TEK: variants seen among roughly 807,000 people sequenced by gnomAD.
The protein encoded by TEK is TEK receptor tyrosine kinase, also known as angiopoietin-1 receptor.
TEK carries 43 observed loss-of-function variants against 131.8 expected under a neutral mutation model. That is an observed-to-expected ratio of 0.33 (90% confidence interval 0.26 to 0.42). The LOEUF (loss-of-function observed/expected upper bound fraction) is 0.42, where lower values mean the gene tolerates loss of function less well. Ranked by LOEUF, TEK falls within the 10% of genes least tolerant of loss-of-function variation. TEK has a pLI of 1.00. For synonymous variants in TEK, 580 were observed against 491.6 expected (o/e 1.18, Z -2.38); for missense variants, 1,162 against 1,384.4 (o/e 0.84, Z 2.55).
At chr9:27,175,248 T>A (rs1210299744) in intron 6 of TEK, among the ~76,000 whole-genome samples, 40 of 150,992 alleles carry the variant, frequency 2.6e-4, no homozygotes, top group African/African-American at 9.5e-4. Flanking sequence ...TTTGGTTTTT[T>A]GTCCTTGTGA....
intron 1 of TEK, among the ~76,000 whole-genome samples, chr9:27,112,118 C>T (rs57314689): frequency 0.099 from 15,115 of 152,104 alleles, 1,403 homozygotes; most frequent in East Asian, 0.5. Context: ...AGGCTGGTCT[C>T]GAACTCCTGA....
At chr9:27,179,209 C>A (rs1418044057) in intron 6 of TEK, among the ~76,000 whole-genome samples, 1 of 152,096 alleles carries the variant, frequency 6.6e-6, no homozygotes. Flanking sequence ...TTGACTCTTT[C>A]TTTTGTTATC....
intron 17 of TEK, 151 bp from the exon 18 acceptor site, chr9:27,213,333 C>A (rs1825702301): frequency 1.6e-6 from 1 of 622,244 alleles, no homozygotes. Context: ...GAATCCATTA[C>A]CAGGGAATTT....
At chr9:27,143,165 G>A (rs554035322) in intron 1 of TEK, among the ~76,000 whole-genome samples, 2 of 152,338 alleles carry the variant, frequency 1.3e-5, no homozygotes, top group South Asian at 4.1e-4. Flanking sequence ...TGCTTGAAAT[G>A]AGCGTAGGTA....
chr9:27,178,040 G>A (rs547721822), intron 6 of TEK, among the ~76,000 whole-genome samples: 50 of 152,066 alleles, frequency 3.3e-4, no homozygotes, highest in African/African-American at 1.1e-3. Context: ...ATCATTGCCC[G>A]GATCAGTATC....
chr9:27,168,276 C>T (rs1823814361), intron 2 of TEK, among the ~76,000 whole-genome samples: 1 of 152,178 alleles, frequency 6.6e-6, no homozygotes, highest in South Asian at 2.1e-4. Context: ...TATATTTACA[C>T]TCTTATAAAG....
chr9:27,222,557 A>G (rs945889327), intron 21 of TEK, among the ~76,000 whole-genome samples: 3 of 152,216 alleles, frequency 2.0e-5, no homozygotes, highest in Non-Finnish European at 2.9e-5. Context: ...GGGGGCCAGT[A>G]TTCAACATTC....
At position 27,209,241 on chromosome 9, in the gene TEK, T is replaced by C; in HGVS notation, c.2686+10T>C. 6.4e-7 allele frequency: 1 copy of C among 1,559,052 alleles called. No individual in the cohort carries two copies. Among genetic ancestry groups the C allele is most frequent in the Non-Finnish European group, 8.8e-7 (1 of 1,130,018 alleles). Reference sequence around the variant, plus strand: ...GCATGTGAACATCGAGGTAAGATGCTCTTTTCCTGTCTTTCCTGCCAGAGT... The same window carrying C: ...GCATGTGAACATCGAGGTAAGATGCCCTTTTCCTGTCTTTCCTGCCAGAGT... On this transcript the variant is annotated intron_variant, in intron 16 of 22. Transcript: ENST00000380036.
chr9:27,163,641 TG>T (rs1823622848), intron 2 of TEK, among the ~76,000 whole-genome samples: 1 of 152,164 alleles, frequency 6.6e-6, no homozygotes. Flanking sequence ...GTGGAGGTCT[TG>T]AGTTTGTGTC....
chr9:27,190,591 A>G lies in TEK; in HGVS notation c.1390A>G (p.Asn464Asp), dbSNP rs746069957. The part of the protein sequence containing the change: ...IDTGHNFAVI[N>D]ISSEPYFGDG... ...CACTGGACATAACTTTGCTGTCATC[A>G]ACATCAGCTCTGAGCCTTACTTTGG... Residue 464 changes from asparagine to aspartate, a missense_variant, in exon 10 of 23, where the codon AAC becomes GAC. This residue lies in a region of TEK where 477 missense variants were observed against 471.0 expected (regional missense o/e 1.01). Coordinates refer to ENST00000380036, the MANE Select transcript of TEK (RefSeq NM_000459.5). The G allele has an allele frequency of 3.1e-6, 5 of 1,613,942 alleles. No individual in the cohort carries two copies. Among genetic ancestry groups the G allele is most frequent in the Non-Finnish European group, 4.2e-6 (5 of 1,179,938 alleles).
At chr9:27,205,306 C>T (rs954560861) in intron 14 of TEK, among the ~76,000 whole-genome samples, 1 of 152,184 alleles carries the variant, frequency 6.6e-6, no homozygotes, top group South Asian at 2.1e-4. Context: ...ATGCAGGAAA[C>T]TAGGTCTGCC....
rs373165107 is a variant in TEK at position 27,212,916 on chromosome 9, G to C, written c.2877+19G>C. The C allele has an allele frequency of 5.6e-6, 9 of 1,611,754 alleles. No individual in the cohort carries two copies. Among genetic ancestry groups the C allele is most frequent in the Non-Finnish European group, 7.6e-6 (9 of 1,179,636 alleles). On this transcript the variant is annotated intron_variant, in intron 17 of 22. Transcript: ENST00000380036. ...AAAACAGGTTTGTCCGGAGGACTTCGCTTTGGATATCTTTCCTGTGGAGTT... is the reference window on the plus strand; with the variant it reads ...AAAACAGGTTTGTCCGGAGGACTTCCCTTTGGATATCTTTCCTGTGGAGTT...
chr9:27,157,985 G>A lies in TEK; in HGVS notation c.207G>A (p.Gln69=). ...TTGAAGCCTTAATGAACCAGCACCA[G>A]GATCCGCTGGAAGTTACTCAAGATG... The part of the protein sequence containing the change: ...RDFEALMNQH[Q]DPLEVTQDVT... The change falls in exon 2 of 23, where the codon CAG becomes CAA. Residue 69 remains glutamine (Q), a synonymous_variant. Coordinates refer to ENST00000380036, the MANE Select transcript of TEK (RefSeq NM_000459.5). The A allele has an allele frequency of 6.2e-7, 1 of 1,614,022 alleles. No individual in the cohort carries two copies. Among genetic ancestry groups the A allele is most frequent in the Non-Finnish European group, 8.5e-7 (1 of 1,180,008 alleles).
intron 21 of TEK, among the ~76,000 whole-genome samples, chr9:27,223,846 A>C (rs1826190423): frequency 2.0e-5 from 3 of 152,150 alleles, no homozygotes; most frequent in African/African-American, 7.2e-5. Flanking sequence ...TTTTTTGAAA[A>C]GATAACAAAA....
At chr9:27,225,259 C>T (rs1003882158) in intron 21 of TEK, among the ~76,000 whole-genome samples, 8 of 152,052 alleles carry the variant, frequency 5.3e-5, no homozygotes, top group Non-Finnish European at 7.4e-5. Flanking sequence ...CATATGGAAC[C>T]AAAAAAGAGC....
At position 27,113,631 on chromosome 9, in the gene TEK, C is replaced by T. The variant is rs1188884268; in HGVS notation, c.52+3989C>T. 6.6e-5 allele frequency among the ~76,000 whole-genome samples: 10 copies of T among 152,160 alleles called. No individual in the cohort carries two copies. In the East Asian group the frequency reaches 1.5e-3, roughly 24 times the overall value. ...AAATAAATAATGAAGCTAGTATAATCAAAAGAGAAGTGTTGCTATGAGAAC... is the reference window on the plus strand; with the variant it reads ...AAATAAATAATGAAGCTAGTATAATTAAAAGAGAAGTGTTGCTATGAGAAC... On this transcript the variant is annotated intron_variant, in intron 1 of 22. Coordinates refer to ENST00000380036, the MANE Select transcript of TEK (RefSeq NM_000459.5).
chr9:27,180,671 T>C (rs557540326), intron 7 of TEK, among the ~76,000 whole-genome samples: 1 of 152,264 alleles, frequency 6.6e-6, no homozygotes, highest in South Asian at 2.1e-4. Flanking sequence ...AGGACCAACC[T>C]TTTCCCTGGA....
rs376225163 is a variant in TEK at position 27,206,763 on chromosome 9, G to A, written c.2546G>A (p.Arg849Gln). 6.6e-5 allele frequency: 107 copies of A among 1,613,920 alleles called. No homozygotes were observed. The highest frequency in any genetic ancestry group is 8.5e-5 in the Non-Finnish European group (100 of 1,179,966). The change falls in exon 15 of 23, where the codon CGG (arginine) becomes CAG (glutamine). Residue 849 changes from arginine (R) to glutamine (Q), a missense_variant. Arg to Gln is a conservative substitution (Grantham distance 43). This residue lies in a region of TEK where 57 missense variants were observed against 100.8 expected (regional missense o/e 0.57). Coordinates refer to ENST00000380036, the MANE Select transcript of TEK (RefSeq NM_000459.5). Reference protein sequence around the residue: ...LKARIKKDGLRMDAAIKRMKE... With the variant: ...LKARIKKDGLQMDAAIKRMKE... Reference sequence around the variant, plus strand: ...GCGCGCATCAAGAAGGATGGGTTACGGATGGATGCTGCCATCAAAAGAATG... The same window carrying A: ...GCGCGCATCAAGAAGGATGGGTTACAGATGGATGCTGCCATCAAAAGAATG...
At chr9:27,211,479 G>T (rs186433299) in intron 16 of TEK, among the ~76,000 whole-genome samples, 119 of 109,506 alleles carry the variant, frequency 1.1e-3, no homozygotes, top group African/African-American at 3.3e-3. Context: ...GATAGATAGG[G>T]TCTCACTCTG....
Sources: allele counts gnomAD v4.1 joint callset (sites outside exome capture counted in the v4.1 genomes callset), GRCh38; gene constraint gnomAD v4.1.1; regional missense constraint gnomAD v4.1.1; transcripts MANE v1.5; gene names NCBI Gene and HGNC (gene_info 2026-07-23, HGNC 2026-07-21).